Variants in SEC23IP observed in about 807,000 individuals in gnomAD.
SEC23IP encodes the protein SEC23-interacting protein.
In SEC23IP, 70 loss-of-function variants were observed where a neutral mutation model predicts 113.4. That is an observed-to-expected ratio of 0.62 (90% confidence interval 0.51 to 0.75). The LOEUF is 0.75. Among genes scored for constraint, SEC23IP ranks in the 30% least tolerant of loss-of-function variants. The pLI, the probability that SEC23IP is intolerant of heterozygous loss-of-function variation, is 0.00. For missense variants in SEC23IP, 1,160 were observed against 1,204.9 expected (o/e 0.96, Z 0.55); for synonymous variants, 398 against 421.0 (o/e 0.95, Z 0.67).
At chr10:119,922,084 C>T (rs375383939) in intron 12 of SEC23IP, among the ~76,000 whole-genome samples, 4 of 152,202 alleles carry the variant, frequency 2.6e-5, no homozygotes, top group East Asian at 3.9e-4. Context: ...GCGGGGAGCA[C>T]GTTGAGCTCA....
intron 16 of SEC23IP, 132 bp downstream of exon 16, chr10:119,932,450 G>A (rs1855636688): frequency 1.5e-6 from 1 of 666,434 alleles, no homozygotes; most frequent in South Asian, 2.1e-5. Flanking sequence ...AGGAAAATCT[G>A]TTAAGATAAA....
At position 119,918,598 on chromosome 10, in the gene SEC23IP, TTTTGTTTG is replaced by T. The variant is rs112954131; in HGVS notation, c.1872+111_1872+118del. 4.7e-4 allele frequency: 344 copies of T among 734,622 alleles called. 2 individuals are homozygous for T. The highest frequency in any genetic ancestry group is 9.5e-4 in the Admixed American group (43 of 45,348). 45.5% of individuals were successfully genotyped at this position (734,622 alleles called of 1,614,324 possible). ...AAAAGTCTGAACTGTTTCTTGAAAC[TTTTGTTTG>T]TTTGTTTGTTTGTTTGTTTGTTTTA... On this transcript the variant is annotated intron_variant, in intron 10 of 18. Coordinates refer to ENST00000369075, the MANE Select transcript of SEC23IP (RefSeq NM_007190.4).
rs1374182252 is a variant in SEC23IP, at chr10:119,925,233, CT to C, written c.2122-800del. Reference sequence around the variant, plus strand: ...GAGCTCAGGTAGCTCCCTCATGCTTCTTTCTAGTTAACTCCTCCTACCACAA... The same window carrying C: ...GAGCTCAGGTAGCTCCCTCATGCTTCTTCTAGTTAACTCCTCCTACCACAA... On this transcript the variant is annotated intron_variant, in intron 12 of 18. Coordinates refer to ENST00000369075, the MANE Select transcript of SEC23IP (RefSeq NM_007190.4). Among the ~76,000 whole-genome samples the C allele has an allele frequency of 2.0e-5, 3 of 152,194 alleles. No individual in the cohort carries two copies. The East Asian group carries it at 5.8e-4, about 29-fold the overall frequency.
In SEC23IP at chr10:119,902,976, G is replaced by A. The variant is rs778085621; in HGVS notation, c.874G>A (p.Asp292Asn). Residue 292 changes from aspartate (D) to asparagine (N), a missense_variant, in exon 3 of 19, where the codon GAC becomes AAC. Physicochemically the swap from Asp to Asn is conservative, Grantham distance 23. Coordinates refer to ENST00000369075, the MANE Select transcript of SEC23IP (RefSeq NM_007190.4). ...ACTGTGGATGCCTTTTAGTGTGTTCGACTCTTTGAATCTTGAAGAAATCTA... is the reference window on the plus strand; with the variant it reads ...ACTGTGGATGCCTTTTAGTGTGTTCAACTCTTTGAATCTTGAAGAAATCTA... The part of the protein sequence containing the change: ...KQLWMPFSVF[D>N]SLNLEEIYNS... The A allele has an allele frequency of 1.2e-5, 20 of 1,613,916 alleles. No homozygotes were observed. The highest frequency in any genetic ancestry group is 1.5e-5 in the Non-Finnish European group (18 of 1,179,976).
At chr10:119,910,796 C>T (rs942862189) in intron 5 of SEC23IP, among the ~76,000 whole-genome samples, 1 of 152,074 alleles carries the variant, frequency 6.6e-6, no homozygotes, top group Non-Finnish European at 1.5e-5. Flanking sequence ...ATCCTCCTGC[C>T]TCAGCCTCCC....
intron 4 of SEC23IP, among the ~76,000 whole-genome samples, chr10:119,905,772 T>C (rs1032382170): frequency 2.0e-5 from 3 of 152,210 alleles, no homozygotes; most frequent in Non-Finnish European, 2.9e-5. Context: ...AGAGTTTTTT[T>C]GCAAGTCCGT....
rs369129472 is a variant in SEC23IP at position 119,895,121 on chromosome 10, C to T, written c.163+2176C>T. Among the ~76,000 whole-genome samples the T allele has an allele frequency of 2.0e-4, 30 of 152,212 alleles. No individual in the cohort carries two copies. The South Asian group carries it at 6.2e-3, about 32-fold the overall frequency. ...ATGGAAGGCCTGGCACAGTGGCTCA[C>T]GCCTGTAATCCCAGCACTTTGTGGG... is the stretch of plus-strand genomic sequence containing the variant. On this transcript the variant is annotated intron_variant, in intron 1 of 18. Coordinates refer to ENST00000369075, the MANE Select transcript of SEC23IP (RefSeq NM_007190.4).
In SEC23IP at chr10:119,933,131, A is replaced by G; in HGVS notation, c.2885A>G (p.Glu962Gly). ...GAAAAACCAATAGAGAGTTTTAATG[A>G]ATACCTTTTCGCTCTTCAGAGTCAC... ...LQEKPIESFN[E>G]YLFALQSHLC... Residue 962 changes from glutamate (E) to glycine (G), a missense_variant, in exon 17 of 19, where the codon GAA (glutamate) becomes GGA (glycine). Transcript: ENST00000369075. 1 of 1,614,032 alleles carries G rather than the reference A, an allele frequency of 6.2e-7. No individual in the cohort carries two copies. The highest frequency in any genetic ancestry group is 1.1e-5 in the South Asian group (1 of 91,062).
chr10:119,923,877 G>GT (rs1491100859), intron 12 of SEC23IP, among the ~76,000 whole-genome samples: 1 of 152,070 alleles, frequency 6.6e-6, no homozygotes, highest in African/African-American at 2.4e-5. Flanking sequence ...AACACTGTTG[G>GT]TTCACAGTTT....
chr10:119,943,385 G>A lies in SEC23IP; in HGVS notation c.*2820G>A, dbSNP rs765171874. On this transcript the variant is annotated 3_prime_UTR_variant, in exon 19 of 19. Transcript: ENST00000369075. ...AGACTGTCAGCTAACCTGTCTTCAT[G>A]ACATTTCTATAATACTCCTCAGGGG... 1 of 152,116 alleles carries A rather than the reference G, an allele frequency of 6.6e-6. No individual in the cohort carries two copies. Among genetic ancestry groups the A allele is most frequent in the Non-Finnish European group, 1.5e-5 (1 of 68,032 alleles). The allele number at this position is 152,116 out of a possible 1,614,324, so 9.4% of individuals were successfully genotyped here.
Position 119,918,676 on chromosome 10 carries a change from G to A in SEC23IP, c.1872+165G>A, listed in dbSNP as rs147918400. Among the ~76,000 whole-genome samples, 41 of 152,232 alleles carry A rather than the reference G, an allele frequency of 2.7e-4. No homozygotes were observed. In the East Asian group the frequency reaches 7.1e-3, roughly 27 times the overall value. ...TTGGGCTAGTCTTGAGTTCCCTCCT[G>A]GCCTCAAGCGATCCTCCTGCCTTGG... On this transcript the variant is annotated intron_variant, in intron 10 of 18. Coordinates refer to ENST00000369075, the MANE Select transcript of SEC23IP (RefSeq NM_007190.4).
intron 8 of SEC23IP, among the ~76,000 whole-genome samples, chr10:119,917,103 A>C (rs1321659899): frequency 1.3e-5 from 2 of 152,206 alleles, no homozygotes; most frequent in African/African-American, 4.8e-5. Context: ...TCCCGGGCTC[A>C]AGCGGTCCTC....
intron 4 of SEC23IP, 46 bp from the exon 5 acceptor site, chr10:119,908,995 G>T (rs765400444): frequency 3.2e-6 from 4 of 1,252,260 alleles, no homozygotes; most frequent in Non-Finnish European, 4.6e-6. Flanking sequence ...TCTCCATGTG[G>T]TATAAATTTG....
chr10:119,919,391 T>C (rs191978693), intron 10 of SEC23IP, 53 bp from the exon 11 acceptor site: 81 of 1,507,850 alleles, frequency 5.4e-5, no homozygotes, highest in Non-Finnish European at 7.2e-5. Flanking sequence ...CAGCAGTCAT[T>C]ATATGGGAGT....
intron 18 of SEC23IP, among the ~76,000 whole-genome samples, chr10:119,934,974 TA>T (rs762488231): frequency 1.3e-5 from 2 of 152,268 alleles, no homozygotes; most frequent in Admixed American, 6.5e-5. Context: ...CCGTCTGTAC[TA>T]AAAATACAAA....
chr10:119,934,543 A>C (rs1855712474), intron 18 of SEC23IP, among the ~76,000 whole-genome samples: 1 of 152,208 alleles, frequency 6.6e-6, no homozygotes, highest in Non-Finnish European at 1.5e-5. Flanking sequence ...GACACCAGAT[A>C]CCTGGTTTTC....
In SEC23IP at chr10:119,942,483, ATAAAC is replaced by A. The variant is rs1314277453; in HGVS notation, c.*1921_*1925del. 2.6e-5 allele frequency: 4 copies of A among 152,152 alleles called. No individual in the cohort carries two copies. The highest frequency in any genetic ancestry group is 6.6e-5 in the Admixed American group (1 of 15,266). 9.4% of individuals were successfully genotyped at this position (152,152 alleles called of 1,614,324 possible). A position where few individuals can be genotyped will look rare whatever the true frequency, so the allele number is the denominator to read the frequency against. On this transcript the variant is annotated 3_prime_UTR_variant, in exon 19 of 19. Coordinates refer to ENST00000369075, the MANE Select transcript of SEC23IP (RefSeq NM_007190.4). ...TAACCACCTTGCAGGATTTCAGTCT[ATAAAC>A]TAGGTGAGAATCCAGCTGCTGAGTG...
At chr10:119,901,843 C>T (rs556441842) in intron 2 of SEC23IP, among the ~76,000 whole-genome samples, 204 of 152,154 alleles carry the variant, frequency 1.3e-3, no homozygotes, top group Admixed American at 2.1e-3. Context: ...TGTGCCACCA[C>T]GCCCAGCTAA....
chr10:119,894,224 A>G (rs1169876520), intron 1 of SEC23IP, among the ~76,000 whole-genome samples: 1 of 152,250 alleles, frequency 6.6e-6, no homozygotes, highest in African/African-American at 2.4e-5. Context: ...TTCAGCAGCT[A>G]TGACCTAATT....
Sources: gnomAD v4.1 joint callset for allele counts (sites outside exome capture counted in the v4.1 genomes callset) on GRCh38, gnomAD v4.1.1 for gene constraint, MANE v1.5 for transcripts, NCBI Gene and HGNC (gene_info 2026-07-23, HGNC 2026-07-21) for gene names.